Variants in FLNA observed in about 807,000 individuals in gnomAD.
FLNA encodes filamin-A.
In FLNA, 7 loss-of-function variants were observed where a neutral mutation model predicts 157.6. The ratio of observed to expected loss-of-function variants is 0.04; its 90% CI spans 0.03 to 0.08. The LOEUF (loss-of-function observed/expected upper bound fraction) is 0.08, where lower values mean the gene tolerates loss of function less well. Ranked by LOEUF, FLNA falls within the 10% of genes least tolerant of loss-of-function variation. FLNA has a pLI of 1.00. For missense variants in FLNA, 1,750 were observed against 2,398.4 expected (o/e 0.73, Z 5.65); for synonymous variants, 1,103 against 1,060.8 (o/e 1.04, Z -0.77).
In FLNA at chrX:154,359,414, A is replaced by G. The variant is rs375244897; in HGVS notation, c.4143-8T>C. The G allele has an allele frequency of 1.7e-6, 2 of 1,211,630 alleles. No individual in the cohort carries two copies. The highest frequency in any genetic ancestry group is 3.5e-5 in the African/African-American group (2 of 57,961). On this transcript the variant is annotated splice_region_variant and splice_polypyrimidine_tract_variant and intron_variant, in intron 24 of 47. Coordinates refer to ENST00000369850, the MANE Select transcript of FLNA (RefSeq NM_001110556.2). The stretch of plus-strand genomic sequence containing the variant: ...CCGCCCGTGCCAGCTCCCCTGGTCC[A>G]AACAGACAGCCGGTCATTCCTGGGG...
At chrX:154,352,708 A>T in intron 39 of FLNA, 33 bp from the exon 40 acceptor site, 2 of 1,211,870 alleles carry the variant, frequency 1.7e-6, no homozygotes, top group Non-Finnish European at 2.2e-6. Context: ...ACGCCCCTCC[A>T]GTCACATACT....
rs1557175925 is a variant in FLNA, at chrX:154,352,161, C to T, written c.6769+20G>A. 7.4e-6 allele frequency: 9 copies of T among 1,210,099 alleles called. No individual in the cohort carries two copies. The South Asian group carries it at 1.1e-4, about 14-fold the overall frequency. On this transcript the variant is annotated intron_variant, in intron 41 of 47. Transcript: ENST00000369850. The stretch of plus-strand genomic sequence containing the variant: ...TGGCCAACGCAGGAGAGCGAGCACT[C>T]GGGGTGTGAGCAGGCCTACCTGGCA...
intron 23 of FLNA, 32 bp from the exon 24 acceptor site, chrX:154,359,678 C>A: frequency 8.3e-7 from 1 of 1,210,702 alleles, no homozygotes; most frequent in Non-Finnish European, 1.1e-6. Flanking sequence ...CAGGAGGAGC[C>A]CGGGCCACCC....
intron 1 of FLNA, among the ~76,000 whole-genome samples, chrX:154,373,561 T>C (rs2067823070): frequency 8.9e-6 from 1 of 112,503 alleles, no homozygotes; most frequent in Admixed American, 9.4e-5. Context: ...TCTTGGATGT[T>C]AGGCACACCC....
rs936226101 is a variant in FLNA, at chrX:154,348,628, A to C, written c.*221T>G. On this transcript the variant is annotated 3_prime_UTR_variant, in exon 48 of 48. Transcript: ENST00000369850. The stretch of plus-strand genomic sequence containing the variant: ...CCCTCACCCCTCCCAGAACCAAAGA[A>C]GACAAGCAGCGCCACCAAATGGCTC... The C allele has an allele frequency of 2.5e-6, 1 of 394,085 alleles. No individual in the cohort carries two copies. The highest frequency in any genetic ancestry group is 4.4e-6 in the Non-Finnish European group (1 of 229,011). The allele number at this position is 394,085 out of a possible 1,213,427, so 32.5% of individuals were successfully genotyped here. A position where few individuals can be genotyped will look rare whatever the true frequency, so the allele number is the denominator to read the frequency against.
intron 25 of FLNA, 25 bp from the exon 26 acceptor site, chrX:154,359,179 C>T (rs1333303051): frequency 1.8e-5 from 22 of 1,209,610 alleles, no homozygotes; most frequent in East Asian, 8.9e-5. Context: ...AAAGGGATGG[C>T]GGCTGTATGA....
At position 154,362,175 on chromosome X, in the gene FLNA, G is replaced by A. The variant is rs182072448; in HGVS notation, c.2657-27C>T. 2.8e-3 allele frequency: 3,406 copies of A among 1,208,909 alleles called. 5 individuals carry two copies. The highest frequency in any genetic ancestry group is 3.6e-3 in the Non-Finnish European group (3,184 of 894,136). ...TGAGGAACACACAGGGACCATGTAG[G>A]GGCACCCTGCCCCAAGCCCTCCTAC... On this transcript the variant is annotated intron_variant, in intron 18 of 47. Transcript: ENST00000369850.
intron 6 of FLNA, 36 bp downstream of exon 6, chrX:154,366,696 C>T (rs782618782): frequency 2.3e-5 from 27 of 1,194,128 alleles, no homozygotes; most frequent in African/African-American, 3.5e-5. Flanking sequence ...TGAAAGGGAG[C>T]GCTGCGGGGC....
At chrX:154,369,662 GA>G (rs2067790070) in intron 2 of FLNA, among the ~76,000 whole-genome samples, 1 of 111,774 alleles carries the variant, frequency 8.9e-6, no homozygotes, top group African/African-American at 3.3e-5. Flanking sequence ...GGAGGGAGGA[GA>G]CCCCCCCTAA....
chrX:154,368,058 G>A lies in FLNA; in HGVS notation c.406C>T (p.Leu136=). 3.3e-6 allele frequency: 4 copies of A among 1,209,299 alleles called. No individual in the cohort carries two copies. The highest frequency in any genetic ancestry group is 4.5e-6 in the Non-Finnish European group (4 of 893,497). Residue 136 remains leucine, a synonymous_variant, in exon 3 of 48, where the codon CTG becomes TTG. Coordinates refer to ENST00000369850, the MANE Select transcript of FLNA (RefSeq NM_001110556.2). ...SKAIVDGNLK[L]ILGLIWTLIL... ...AGGGTCCAGATGAGGCCCAGGATCA[G>A]CTTCAGGTTCCCGTCCACGATGGCC...
intron 2 of FLNA, among the ~76,000 whole-genome samples, chrX:154,369,347 C>G (rs1181273815): frequency 1.8e-5 from 2 of 112,522 alleles, no homozygotes; most frequent in Non-Finnish European, 3.8e-5. Flanking sequence ...CACCCCAGTC[C>G]AGCCTCAGAC....
intron 1 of FLNA, among the ~76,000 whole-genome samples, chrX:154,372,491 G>T (rs1343040361): frequency 2.7e-5 from 3 of 111,678 alleles, no homozygotes; most frequent in South Asian, 7.4e-4. Flanking sequence ...GGCCTGGGGG[G>T]TTGTGTCCCC....
In FLNA at chrX:154,364,551, G is replaced by C. The variant is rs374295965; in HGVS notation, c.1997C>G (p.Ala666Gly). The change falls in exon 13 of 48, where the codon GCG becomes GGG. Residue 666 changes from alanine (A) to glycine (G), a missense_variant. Physicochemically the swap from Ala to Gly is moderately conservative, Grantham distance 60. Around this residue, in one of 5 missense-constraint regions of FLNA, gnomAD observed 648 missense variants for 805.8 expected, o/e 0.80. Transcript: ENST00000369850. ...CCTGTCTGGGTGGAAGTCCTGGGGC[G>C]CGTCACGGATGTCAGCCATGAAGGG... ...LSPFMADIRD[A>G]PQDFHPDRVK... The C allele has an allele frequency of 1.1e-5, 13 of 1,207,984 alleles. No homozygotes were observed. The African/African-American group carries it at 1.8e-4, about 16-fold the overall frequency.
At chrX:154,361,217 T>C in intron 21 of FLNA, 91 bp downstream of exon 21, 1 of 895,978 alleles carries the variant, frequency 1.1e-6, no homozygotes, top group Non-Finnish European at 1.5e-6. Flanking sequence ...AAAAAAAGGA[T>C]TTAGGGCAGG....
Position 154,349,342 on chromosome X carries a change from C to T in FLNA, c.7756+20G>A, listed in dbSNP as rs782395246. On this transcript the variant is annotated intron_variant, in intron 47 of 47. Transcript: ENST00000369850. ...GCCTCATTTTGGTGGGAAGGTGGGC[C>T]GGGGGCCCAGGTTGCCCACCTGCTT... The T allele has an allele frequency of 8.8e-5, 105 of 1,199,561 alleles. No individual in the cohort carries two copies. The highest frequency in any genetic ancestry group is 8.7e-5 in the African/African-American group (5 of 57,516).
intron 23 of FLNA, 24 bp downstream of exon 23, chrX:154,359,708 C>T: frequency 4.1e-6 from 5 of 1,210,850 alleles, no homozygotes; most frequent in South Asian, 3.5e-5. Context: ...CGTCTGCCAG[C>T]CTGTGGGAGT....
In FLNA at chrX:154,363,975, C is replaced by T. The variant is rs201984444; in HGVS notation, c.2280+47G>A. On this transcript the variant is annotated intron_variant, in intron 15 of 47. Coordinates refer to ENST00000369850, the MANE Select transcript of FLNA (RefSeq NM_001110556.2). ...CTTGAAATGGACGAATCGTGTGCTA[C>T]GTGAATGCTATCGAGATGGACTAAA... is the stretch of plus-strand genomic sequence containing the variant. The T allele has an allele frequency of 1.6e-4, 185 of 1,189,245 alleles. 1 individual carries two copies. The African/African-American group carries it at 2.4e-3, about 16-fold the overall frequency.
rs782151831 is a variant in FLNA, at chrX:154,353,035, C to A, written c.6192G>T (p.Glu2064Asp). The A allele has an allele frequency of 8.3e-7, 1 of 1,211,789 alleles. No homozygotes were observed. Among genetic ancestry groups the A allele is most frequent in the South Asian group, 1.8e-5 (1 of 57,052 alleles). The change falls in exon 38 of 48, where the codon GAG becomes GAT. Residue 2064 changes from glutamate to aspartate, a missense_variant. This residue lies in a region of FLNA where 970 missense variants were observed against 1,302.6 expected (regional missense o/e 0.74). Transcript: ENST00000369850. ...GQGLHEGHTF[E>D]PAEFIIDTRD... Reference sequence around the variant, plus strand: ...GGGTATCAATGATAAACTCTGCAGGCTCAAAGGTGTGGCCTTCGTGAAGGC... The same window carrying A: ...GGGTATCAATGATAAACTCTGCAGGATCAAAGGTGTGGCCTTCGTGAAGGC...
chrX:154,362,388 C>T (rs781785610), intron 17 of FLNA, 30 bp downstream of exon 17: 1 of 1,210,587 alleles, frequency 8.3e-7, no homozygotes, highest in Non-Finnish European at 1.1e-6. Flanking sequence ...TCCGCAATGA[C>T]ATCTTAGCGG....
Sources: allele counts gnomAD v4.1 joint callset (sites outside exome capture counted in the v4.1 genomes callset), GRCh38; gene constraint gnomAD v4.1.1; regional missense constraint gnomAD v4.1.1; transcripts MANE v1.5; gene names NCBI Gene and HGNC (gene_info 2026-07-23, HGNC 2026-07-21).